BIRC6: variants seen among roughly 807,000 people sequenced by gnomAD.
The protein encoded by BIRC6 is baculoviral IAP repeat containing 6.
A neutral mutation model predicts 503.3 loss-of-function variants in BIRC6; 98 were observed. That is an observed-to-expected ratio of 0.19 (90% CI 0.17 to 0.23). The LOEUF (loss-of-function observed/expected upper bound fraction) is 0.23. BIRC6 is among the 10% of genes least tolerant of loss of function. The pLI, the probability that BIRC6 is intolerant of heterozygous loss-of-function variation, is 1.00. For missense variants in BIRC6, 5,360 were observed against 5,806.0 expected (o/e 0.92, Z 2.50); for synonymous variants, 2,240 against 2,078.7 (o/e 1.08, Z -2.11).
At chr2:32,553,774 TC>T (rs1371937299) in intron 65 of BIRC6, among the ~76,000 whole-genome samples, 2 of 152,154 alleles carry the variant, frequency 1.3e-5, no homozygotes, top group Non-Finnish European at 2.9e-5. Context: ...GCTAAATTAA[TC>T]AGATTTATCA....
chr2:32,588,499 C>T (rs997105040), intron 66 of BIRC6, among the ~76,000 whole-genome samples: 1 of 152,094 alleles, frequency 6.6e-6, no homozygotes, highest in Middle Eastern at 3.2e-3. Context: ...CCAAAAGAAG[C>T]CCCCTGCTCC....
intron 57 of BIRC6, among the ~76,000 whole-genome samples, chr2:32,520,955 T>G (rs2149798511): frequency 6.6e-6 from 1 of 152,318 alleles, no homozygotes; most frequent in Non-Finnish European, 1.5e-5. Context: ...AAATTGAACA[T>G]TTTAATTAGT....
intron 26 of BIRC6, 40 bp downstream of exon 26, chr2:32,465,204 T>TTTTTTTTTTTTCCG: frequency 9.9e-7 from 1 of 1,010,800 alleles, no homozygotes; most frequent in South Asian, 1.8e-5. Flanking sequence ...TTTTTTTTTT[T>TTTTTTTTTTTTCCG]GCTTAGTCTG....
chr2:32,602,997 G>A lies in BIRC6; in HGVS notation c.13993-9G>A, dbSNP rs533721178. The A allele has an allele frequency of 9.4e-6, 15 of 1,594,150 alleles. No homozygotes were observed. The highest frequency in any genetic ancestry group is 4.1e-5 in the African/African-American group (3 of 73,608). On this transcript the variant is annotated splice_polypyrimidine_tract_variant and intron_variant, in intron 70 of 73. Transcript: ENST00000421745. ...TTTCAATTCTGTTTATGCTTTTTTC[G>A]TTCGTCAGGTTTGTTTAAGCATCTT...
intron 50 of BIRC6, among the ~76,000 whole-genome samples, chr2:32,506,263 A>G (rs1475759948): frequency 6.6e-6 from 1 of 152,254 alleles, no homozygotes; most frequent in Non-Finnish European, 1.5e-5. Flanking sequence ...GCTATCAAAT[A>G]TCACTCAATA....
At chr2:32,530,722 T>G (rs1437122633) in intron 60 of BIRC6, among the ~76,000 whole-genome samples, 3 of 152,208 alleles carry the variant, frequency 2.0e-5, no homozygotes, top group Admixed American at 2.0e-4. Context: ...AAATTCAGTC[T>G]TTAGTTATTG....
At chr2:32,429,767 C>T (rs1445284230) in intron 11 of BIRC6, among the ~76,000 whole-genome samples, 1 of 152,130 alleles carries the variant, frequency 6.6e-6, no homozygotes, top group East Asian at 1.9e-4. Context: ...TGCTAGCATG[C>T]TACTCCCTGC....
intron 69 of BIRC6, 49 bp downstream of exon 69, chr2:32,598,017 CTAAT>C: frequency 1.4e-6 from 2 of 1,431,350 alleles, no homozygotes; most frequent in African/African-American, 1.4e-5. Context: ...CTTGGCTCAT[CTAAT>C]TACTCAAATT....
chr2:32,478,117 T>C (rs2049974909), intron 35 of BIRC6, among the ~76,000 whole-genome samples: 1 of 151,946 alleles, frequency 6.6e-6, no homozygotes, highest in Admixed American at 6.6e-5. Flanking sequence ...GAGGGGCGGA[T>C]CACAAGTTGA....
At chr2:32,513,919 AAGTC>A (rs1391005878) in intron 54 of BIRC6, among the ~76,000 whole-genome samples, 1 of 152,002 alleles carries the variant, frequency 6.6e-6, no homozygotes, top group African/African-American at 2.4e-5. Flanking sequence ...CAAAAAAAAA[AAGTC>A]AGCCGGACAC....
chr2:32,518,051 A>C (rs371147392), intron 55 of BIRC6, among the ~76,000 whole-genome samples: 4 of 151,736 alleles, frequency 2.6e-5, no homozygotes, highest in Non-Finnish European at 4.4e-5. Flanking sequence ...TTTGGTATTC[A>C]TATATTTTAA....
chr2:32,579,812 G>A (rs1573157535), intron 66 of BIRC6, among the ~76,000 whole-genome samples: 1 of 151,900 alleles, frequency 6.6e-6, no homozygotes. Context: ...ACACTGATAG[G>A]TGAGATCTGG....
At chr2:32,480,225 A>G (rs571015288) in intron 37 of BIRC6, among the ~76,000 whole-genome samples, 2 of 152,314 alleles carry the variant, frequency 1.3e-5, no homozygotes, top group Admixed American at 6.5e-5. Context: ...TCGAAGGTTC[A>G]CATAAAGCGT....
At chr2:32,598,755 G>A (rs2061843533) in intron 69 of BIRC6, among the ~76,000 whole-genome samples, 1 of 152,036 alleles carries the variant, frequency 6.6e-6, no homozygotes, top group Non-Finnish European at 1.5e-5. Flanking sequence ...TTTTGGATAG[G>A]CTCATGCCTG....
At chr2:32,553,989 A>G (rs963722127) in intron 65 of BIRC6, among the ~76,000 whole-genome samples, 2 of 152,142 alleles carry the variant, frequency 1.3e-5, no homozygotes, top group Admixed American at 1.3e-4. Context: ...TTTGTAGGCC[A>G]CAATCATTTT....
At chr2:32,453,162 C>T (rs1172502706) in intron 22 of BIRC6, among the ~76,000 whole-genome samples, 1 of 151,564 alleles carries the variant, frequency 6.6e-6, no homozygotes, top group Non-Finnish European at 1.5e-5. Flanking sequence ...GTGTTCTTCC[C>T]TCTAGACTTC....
chr2:32,595,888 T>A (rs1032877163), intron 68 of BIRC6, among the ~76,000 whole-genome samples: 2 of 152,226 alleles, frequency 1.3e-5, no homozygotes, highest in African/African-American at 4.8e-5. Context: ...TTTATACTTT[T>A]GTTAAGAGTT....
chr2:32,562,835 A>C (rs2059287076), intron 65 of BIRC6, among the ~76,000 whole-genome samples: 1 of 152,078 alleles, frequency 6.6e-6, no homozygotes, highest in African/African-American at 2.4e-5. Context: ...TTATTCATTC[A>C]CCTTTTGAAG....
chr2:32,404,606 A>G (rs1402946499), intron 8 of BIRC6, among the ~76,000 whole-genome samples: 1 of 152,026 alleles, frequency 6.6e-6, no homozygotes, highest in East Asian at 1.9e-4. Flanking sequence ...GAGCCACTGC[A>G]TCTGGCCTTA....
Sources: allele counts gnomAD v4.1 joint callset (sites outside exome capture counted in the v4.1 genomes callset), GRCh38; gene constraint gnomAD v4.1.1; transcripts MANE v1.5; gene names NCBI Gene and HGNC (gene_info 2026-07-23, HGNC 2026-07-21).